The following ROBO2 variants were observed in gnomAD, a reference collection of about 807,000 sequenced individuals.
The protein encoded by ROBO2 is roundabout homolog 2.
Under a neutral mutation model 160.8 loss-of-function variants are expected in ROBO2, and 53 were observed. The observed-to-expected ratio is 0.33, with a 90% CI of 0.26 to 0.41. ROBO2 has a LOEUF of 0.41. ROBO2 is among the 10% of genes least tolerant of loss of function. ROBO2 has a pLI of 1.00. For missense variants in ROBO2, 1,577 were observed against 1,722.4 expected (o/e 0.92, Z 1.49); for synonymous variants, 664 against 611.7 (o/e 1.09, Z -1.26).
At chr3:76,539,446 G>A (rs73129119) in intron 2 of ROBO2, among the ~76,000 whole-genome samples, 5,420 of 151,530 alleles carry the variant, frequency 0.036, 104 homozygotes, top group South Asian at 0.044. Context: ...CACAAAATTC[G>A]AGAATAAACA....
intron 2 of ROBO2, among the ~76,000 whole-genome samples, chr3:77,126,152 G>C (rs2075297373): frequency 6.6e-6 from 1 of 152,174 alleles, no homozygotes; most frequent in Admixed American, 6.5e-5. Context: ...TAGGTTATTT[G>C]TGACAGACAG....
At chr3:76,862,090 GGAAA>G (rs1194354034) in intron 2 of ROBO2, among the ~76,000 whole-genome samples, 1 of 151,726 alleles carries the variant, frequency 6.6e-6, no homozygotes, top group Non-Finnish European at 1.5e-5. Context: ...AAGGAAGGAA[GGAAA>G]GAAAGAAGGA....
chr3:77,374,216 A>T (rs1012769172), intron 2 of ROBO2, among the ~76,000 whole-genome samples: 1 of 151,012 alleles, frequency 6.6e-6, no homozygotes, highest in Non-Finnish European at 1.5e-5. Flanking sequence ...TGGACTAAAG[A>T]AAAAAACAAA....
At chr3:77,508,408 A>G (rs184492653) in intron 5 of ROBO2, among the ~76,000 whole-genome samples, 8 of 148,232 alleles carry the variant, frequency 5.4e-5, no homozygotes, top group African/African-American at 1.7e-4. Flanking sequence ...ATATAAATGT[A>G]TATATTAAAG....
At chr3:76,955,230 T>C (rs1177496051) in intron 2 of ROBO2, among the ~76,000 whole-genome samples, 1 of 152,194 alleles carries the variant, frequency 6.6e-6, no homozygotes, top group African/African-American at 2.4e-5. Context: ...GGAATAATAT[T>C]CTATTATATG....
intron 2 of ROBO2, among the ~76,000 whole-genome samples, chr3:76,996,150 A>G (rs1012608251): frequency 2.6e-5 from 4 of 152,186 alleles, no homozygotes; most frequent in Admixed American, 6.5e-5. Flanking sequence ...GAAGGGATCC[A>G]GTTTCAGCTT....
chr3:77,108,420 C>G (rs75450972), intron 2 of ROBO2, among the ~76,000 whole-genome samples: 15 of 151,900 alleles, frequency 9.9e-5, no homozygotes, highest in Admixed American at 1.3e-4. Context: ...CTATGTGACC[C>G]CCCCCTACCT....
chr3:76,561,212 C>G (rs776113567), intron 2 of ROBO2, among the ~76,000 whole-genome samples: 4 of 151,836 alleles, frequency 2.6e-5, no homozygotes, highest in Admixed American at 2.6e-4. Context: ...CTGCACATCA[C>G]TAACAAAAAT....
intron 4 of ROBO2, among the ~76,000 whole-genome samples, chr3:77,484,598 C>A (rs942377514): frequency 1.1e-4 from 17 of 151,280 alleles, no homozygotes; most frequent in Admixed American, 6.6e-4. Context: ...GGATTTGTTT[C>A]CATATTTCTG....
intron 2 of ROBO2, among the ~76,000 whole-genome samples, chr3:76,694,651 T>C (rs1006377319): frequency 6.6e-6 from 1 of 152,202 alleles, no homozygotes; most frequent in African/African-American, 2.4e-5. Flanking sequence ...TTTAACTATT[T>C]AATTTTGAAA....
chr3:76,160,489 A>AT (rs1233414389), intron 2 of ROBO2, among the ~76,000 whole-genome samples: 5 of 152,070 alleles, frequency 3.3e-5, no homozygotes, highest in Non-Finnish European at 7.4e-5. Flanking sequence ...GTACAAGATG[A>AT]TTTTTTCCTC....
chr3:77,399,531 C>T (rs1287276646), intron 2 of ROBO2, among the ~76,000 whole-genome samples: 1 of 152,150 alleles, frequency 6.6e-6, no homozygotes, highest in Admixed American at 6.6e-5. Flanking sequence ...GTTTTAAAGC[C>T]TCAATCTAAG....
chr3:76,052,073 C>T (rs1032524842), intron 2 of ROBO2, among the ~76,000 whole-genome samples: 1 of 151,940 alleles, frequency 6.6e-6, no homozygotes, highest in Admixed American at 6.6e-5. Context: ...TTACACACAC[C>T]TCATAAATTT....
intron 2 of ROBO2, among the ~76,000 whole-genome samples, chr3:77,459,579 A>G (rs2082024262): frequency 6.6e-6 from 1 of 152,220 alleles, no homozygotes; most frequent in Non-Finnish European, 1.5e-5. Flanking sequence ...ACTTTTACAC[A>G]GTAATATGTG....
intron 2 of ROBO2, among the ~76,000 whole-genome samples, chr3:76,013,690 C>A (rs6789784): frequency 4.5e-5 from 6 of 133,494 alleles, no homozygotes; most frequent in Admixed American, 1.5e-4. Flanking sequence ...AGGCAATTGG[C>A]GGCTGGGTAC....
chr3:77,254,147 G>C (rs112737860), intron 2 of ROBO2, among the ~76,000 whole-genome samples: 1 of 152,290 alleles, frequency 6.6e-6, no homozygotes, highest in African/African-American at 2.4e-5. Context: ...TGGTGCACCT[G>C]TGGTCTTAGC....
chr3:77,117,268 A>T (rs2074301752), intron 2 of ROBO2, among the ~76,000 whole-genome samples: 1 of 152,338 alleles, frequency 6.6e-6, no homozygotes, highest in Non-Finnish European at 1.5e-5. Context: ...AAAATATTCT[A>T]TTAAAAAATT....
intron 2 of ROBO2, among the ~76,000 whole-genome samples, chr3:76,143,639 C>T (rs1559588423): frequency 6.6e-6 from 1 of 151,988 alleles, no homozygotes; most frequent in Non-Finnish European, 1.5e-5. Flanking sequence ...GCCTTAAAAC[C>T]CATTTTTCTA....
intron 2 of ROBO2, among the ~76,000 whole-genome samples, chr3:76,664,977 C>T (rs757550766): frequency 2.0e-5 from 3 of 152,076 alleles, no homozygotes; most frequent in African/African-American, 4.8e-5. Context: ...AGATGAATTG[C>T]GTGAGGGCCA....
Sources: gnomAD v4.1 joint callset for allele counts (sites outside exome capture counted in the v4.1 genomes callset) on GRCh38, gnomAD v4.1.1 for gene constraint, MANE v1.5 for transcripts, NCBI Gene and HGNC (gene_info 2026-07-23, HGNC 2026-07-21) for gene names.